The following LRMDA variants were observed in gnomAD, a reference collection of about 807,000 sequenced individuals.
The protein encoded by LRMDA is leucine-rich melanocyte differentiation-associated protein.
In LRMDA, 18 loss-of-function variants were observed where a neutral mutation model predicts 29.8. The observed-to-expected ratio is 0.60, with a 90% CI of 0.42 to 0.90. LRMDA has a LOEUF of 0.90. LRMDA is among the 40% of genes least tolerant of loss of function. LRMDA has a pLI of 0.00. For synonymous variants in LRMDA, 125 were observed against 109.4 expected, an observed-to-expected ratio of 1.14 and a Z score of -0.89; for missense variants, 273 against 273.9, an observed-to-expected ratio of 1.00 and a Z score of 0.02.
At chr10:76,463,419 C>G (rs1842532497) in intron 6 of LRMDA, among the ~76,000 whole-genome samples, 1 of 152,194 alleles carries the variant, frequency 6.6e-6, no homozygotes, top group Non-Finnish European at 1.5e-5. Flanking sequence ...TTGGTTACCA[C>G]TAGGATCTTG....
intron 2 of LRMDA, among the ~76,000 whole-genome samples, chr10:75,661,194 C>T (rs1367148887): frequency 6.6e-6 from 1 of 152,164 alleles, no homozygotes; most frequent in Non-Finnish European, 1.5e-5. Flanking sequence ...CAGTTGCTGC[C>T]TGGTTTGAGG....
intron 5 of LRMDA, among the ~76,000 whole-genome samples, chr10:76,321,045 TTC>T (rs1840764557): frequency 6.7e-6 from 1 of 148,274 alleles, no homozygotes; most frequent in African/African-American, 2.6e-5. Context: ...CTAAATATTA[TTC>T]TGTCTTACTG....
At chr10:75,856,445 C>T (rs1040455290) in intron 2 of LRMDA, among the ~76,000 whole-genome samples, 46 of 152,264 alleles carry the variant, frequency 3.0e-4, no homozygotes, top group African/African-American at 1.0e-3. Flanking sequence ...AAAATACTGG[C>T]AAACTGAATC....
intron 2 of LRMDA, among the ~76,000 whole-genome samples, chr10:75,971,404 G>A (rs1276881033): frequency 6.6e-6 from 1 of 152,134 alleles, no homozygotes; most frequent in Non-Finnish European, 1.5e-5. Flanking sequence ...GACTCAGTTG[G>A]GTTGTTTCAA....
chr10:75,639,147 C>T (rs923536093), intron 2 of LRMDA, among the ~76,000 whole-genome samples: 1 of 152,284 alleles, frequency 6.6e-6, no homozygotes, highest in East Asian at 1.9e-4. Context: ...TACCATTTTG[C>T]GTTCCCCACC....
In LRMDA at chr10:75,555,606, A is replaced by G. The variant is rs959004375; in HGVS notation, c.131+117112A>G. Among the ~76,000 whole-genome samples the G allele has an allele frequency of 5.3e-5, 8 of 152,358 alleles. No homozygotes were observed. The South Asian group carries it at 1.4e-3, about 28-fold the overall frequency. ...AGACAGTGTTTTGCAGTTTGATTTCAGTGAAGTTAACTGTGTGCTTTAAAA... is the reference window on the plus strand; with the variant it reads ...AGACAGTGTTTTGCAGTTTGATTTCGGTGAAGTTAACTGTGTGCTTTAAAA... On this transcript the variant is annotated intron_variant, in intron 2 of 6. Coordinates refer to ENST00000611255, the MANE Select transcript of LRMDA (RefSeq NM_001305581.2).
At chr10:76,243,520 A>G (rs867017384) in intron 5 of LRMDA, among the ~76,000 whole-genome samples, 4 of 152,164 alleles carry the variant, frequency 2.6e-5, no homozygotes, top group African/African-American at 9.7e-5. Context: ...TTTAGAAGCA[A>G]TGGCACGGTA....
chr10:76,548,918 G>A (rs368184159), intron 6 of LRMDA, among the ~76,000 whole-genome samples: 10 of 152,300 alleles, frequency 6.6e-5, no homozygotes, highest in East Asian at 5.8e-4. Context: ...GAGCCACAAC[G>A]CCTGTAACCT....
chr10:76,163,838 G>A (rs1230807248), intron 5 of LRMDA, among the ~76,000 whole-genome samples: 2 of 152,132 alleles, frequency 1.3e-5, no homozygotes, highest in Non-Finnish European at 2.9e-5. Context: ...CTGAAGATGA[G>A]TCTCATGAAT....
intron 2 of LRMDA, among the ~76,000 whole-genome samples, chr10:75,736,401 C>T (rs932828213): frequency 6.6e-6 from 1 of 152,100 alleles, no homozygotes; most frequent in Non-Finnish European, 1.5e-5. Flanking sequence ...TGGGAACAAT[C>T]TGGAAGGAGT....
At chr10:75,830,967 C>A (rs1171818259) in intron 2 of LRMDA, among the ~76,000 whole-genome samples, 1 of 152,162 alleles carries the variant, frequency 6.6e-6, no homozygotes, top group Non-Finnish European at 1.5e-5. Context: ...GTAAATACAG[C>A]CATTCTAAAT....
chr10:76,068,258 T>C (rs535417723), intron 5 of LRMDA, among the ~76,000 whole-genome samples: 23 of 152,354 alleles, frequency 1.5e-4, no homozygotes, highest in African/African-American at 4.1e-4. Flanking sequence ...AGCTCAGTGA[T>C]GAAATGAATG....
chr10:75,691,088 CTATGTACATAG>C (rs1842142785), intron 2 of LRMDA, among the ~76,000 whole-genome samples: 1 of 78,050 alleles, frequency 1.3e-5, no homozygotes, highest in African/African-American at 8.8e-5. Context: ...ATCTATATAT[CTATGTACATAG>C]ATATATAGAT....
At chr10:76,161,460 C>T (rs1225404536) in intron 5 of LRMDA, among the ~76,000 whole-genome samples, 1 of 152,158 alleles carries the variant, frequency 6.6e-6, no homozygotes, top group East Asian at 1.9e-4. Flanking sequence ...TTCTTCTTCA[C>T]GTCAGAAATG....
chr10:76,399,900 A>C (rs935040213), intron 6 of LRMDA, among the ~76,000 whole-genome samples: 2 of 152,120 alleles, frequency 1.3e-5, no homozygotes, highest in African/African-American at 4.8e-5. Flanking sequence ...CCACCAATCC[A>C]GTCATCCTAC....
chr10:76,212,268 TAAAAA>T (rs201037683), intron 5 of LRMDA, among the ~76,000 whole-genome samples: 2 of 108,190 alleles, frequency 1.8e-5, no homozygotes, highest in Admixed American at 1.9e-4. Context: ...CACACACACA[TAAAAA>T]AAAAAAACTA....
At chr10:76,524,488 A>G (rs539932615) in intron 6 of LRMDA, among the ~76,000 whole-genome samples, 8 of 152,350 alleles carry the variant, frequency 5.3e-5, no homozygotes, top group African/African-American at 1.9e-4. Context: ...TCTGCCAGAT[A>G]TCCTTTTCAG....
rs905617210 is a variant in LRMDA at position 76,090,595 on chromosome 10, A to G, written c.516+31812A>G. Among the ~76,000 whole-genome samples the G allele has an allele frequency of 3.9e-5, 6 of 152,228 alleles. No individual in the cohort carries two copies. In the South Asian group the frequency reaches 1.2e-3, roughly 32 times the overall value. ...TTTGAACACCCATGTTCGTAGCAGC[A>G]TTATTCACAATAGCCAAAAGGTGGA... On this transcript the variant is annotated intron_variant, in intron 5 of 6. Coordinates refer to ENST00000611255, the MANE Select transcript of LRMDA (RefSeq NM_001305581.2).
chr10:75,494,083 T>G (rs1344477438), intron 2 of LRMDA, among the ~76,000 whole-genome samples: 1 of 152,180 alleles, frequency 6.6e-6, no homozygotes, highest in Non-Finnish European at 1.5e-5. Context: ...ATCAATTCTC[T>G]CTCTAAATTT....
Sources: allele counts gnomAD v4.1 joint callset (sites outside exome capture counted in the v4.1 genomes callset), GRCh38; gene constraint gnomAD v4.1.1; transcripts MANE v1.5; gene names NCBI Gene and HGNC (gene_info 2026-07-23, HGNC 2026-07-21).